BLTP3B: variants seen among roughly 807,000 people sequenced by gnomAD.
BLTP3B encodes the protein UHRF1 (ICBP90) binding protein 1-like.
At chr12:100,118,347 ACACTACTG>A in the BLTP3B span, among the ~76,000 whole-genome samples, 2 of 152,078 alleles carry the variant, frequency 1.3e-5, no homozygotes, top group African/African-American at 4.8e-5. Context: ...AGTCATAATC[ACACTACTG>A]CACTCCAGTC....
chr12:100,099,092 C>T, the BLTP3B span, among the ~76,000 whole-genome samples: 1 of 151,562 alleles, frequency 6.6e-6, no homozygotes, highest in South Asian at 2.1e-4. Context: ...TCCCGGGTTC[C>T]AGCAATTCTT....
chr12:100,077,155 A>G, the BLTP3B span, among the ~76,000 whole-genome samples: 1 of 152,242 alleles, frequency 6.6e-6, no homozygotes, highest in African/African-American at 2.4e-5. Flanking sequence ...CCATAAGATT[A>G]TAACACAGCT....
At chr12:100,084,600 C>T in the BLTP3B span, 1 of 1,614,026 alleles carries the variant, frequency 6.2e-7, no homozygotes, top group Non-Finnish European at 8.5e-7. Context: ...ACTCATTGGC[C>T]CATCCATTTT....
chr12:100,063,811 C>G, the BLTP3B span, among the ~76,000 whole-genome samples: 1 of 151,916 alleles, frequency 6.6e-6, no homozygotes, highest in Non-Finnish European at 1.5e-5. Context: ...TAGACATTAC[C>G]TCTGAGAGAG....
the BLTP3B span, among the ~76,000 whole-genome samples, chr12:100,063,884 A>T: frequency 6.6e-6 from 1 of 152,118 alleles, no homozygotes; most frequent in Non-Finnish European, 1.5e-5. Context: ...AAGGTTCTTT[A>T]ACACCTCCAA....
the BLTP3B span, among the ~76,000 whole-genome samples, chr12:100,076,519 A>G: frequency 6.6e-6 from 1 of 150,512 alleles, no homozygotes; most frequent in East Asian, 2.0e-4. Context: ...TCAGCCTCCC[A>G]AGTAGCTGGG....
At chr12:100,042,562 A>C in the BLTP3B span, among the ~76,000 whole-genome samples, 1 of 152,204 alleles carries the variant, frequency 6.6e-6, no homozygotes, top group African/African-American at 2.4e-5. Flanking sequence ...AATTCTTAAA[A>C]GAAAACATGA....
chr12:100,132,060 G>A, the BLTP3B span, among the ~76,000 whole-genome samples: 1 of 152,092 alleles, frequency 6.6e-6, no homozygotes, highest in Admixed American at 6.5e-5. Context: ...CCAAAGTGCT[G>A]GGATTACAGG....
the BLTP3B span, among the ~76,000 whole-genome samples, chr12:100,103,097 TG>T: frequency 2.0e-5 from 3 of 151,946 alleles, no homozygotes; most frequent in African/African-American, 7.3e-5. Flanking sequence ...TTACAGGTGT[TG>T]GGGGGTGGGG....
At chr12:100,037,215 G>C in the BLTP3B span, 5 of 957,882 alleles carry the variant, frequency 5.2e-6, no homozygotes, top group Non-Finnish European at 3.7e-6. Context: ...AAAAGCATTT[G>C]AATCTTTGTA....
At chr12:100,039,039 A>T in the BLTP3B span, among the ~76,000 whole-genome samples, 1 of 152,186 alleles carries the variant, frequency 6.6e-6, no homozygotes, top group Non-Finnish European at 1.5e-5. Flanking sequence ...CTACTGCTGA[A>T]TTCTATATCC....
chr12:100,072,478 A>G, the BLTP3B span, among the ~76,000 whole-genome samples: 1 of 152,116 alleles, frequency 6.6e-6, no homozygotes, highest in Non-Finnish European at 1.5e-5. Context: ...AGGCCAAGGC[A>G]GGAGTATGGC....
the BLTP3B span, among the ~76,000 whole-genome samples, chr12:100,054,545 T>C: frequency 6.6e-6 from 1 of 152,164 alleles, no homozygotes; most frequent in Non-Finnish European, 1.5e-5. Flanking sequence ...GAAATATATT[T>C]TGATCATAGG....
the BLTP3B span, among the ~76,000 whole-genome samples, chr12:100,073,508 T>A: frequency 1.3e-5 from 2 of 151,876 alleles, no homozygotes; most frequent in Admixed American, 6.6e-5. Flanking sequence ...CCGATATTAT[T>A]AGGTTGGTGC....
At chr12:100,122,737 C>T in the BLTP3B span, among the ~76,000 whole-genome samples, 1 of 152,298 alleles carries the variant, frequency 6.6e-6, no homozygotes, top group Admixed American at 6.5e-5. Context: ...ACACAAATCC[C>T]ACATGTCCCA....
the BLTP3B span, chr12:100,142,655 C>T: frequency 6.2e-7 from 1 of 1,605,318 alleles, no homozygotes. Context: ...GCTGGAGACG[C>T]CGCGGTCTCG....
the BLTP3B span, among the ~76,000 whole-genome samples, chr12:100,094,620 G>A: frequency 3.9e-5 from 6 of 152,216 alleles, no homozygotes; most frequent in Non-Finnish European, 7.3e-5. Flanking sequence ...ATTTTGGGAG[G>A]CCAAGGCGGG....
At chr12:100,062,965 A>G in the BLTP3B span, among the ~76,000 whole-genome samples, 1 of 151,558 alleles carries the variant, frequency 6.6e-6, no homozygotes, top group African/African-American at 2.4e-5. Flanking sequence ...CTCAAAAAAA[A>G]AGAAAAGAAT....
chr12:100,118,999 G>A, the BLTP3B span, among the ~76,000 whole-genome samples: 84 of 152,236 alleles, frequency 5.5e-4, 2 homozygotes, highest in South Asian at 0.017. Flanking sequence ...CTACTCGGGA[G>A]GCTGAGGCAG....
Sources: gnomAD v4.1 joint callset for allele counts (sites outside exome capture counted in the v4.1 genomes callset) on GRCh38, gnomAD v4.1.1 for gene constraint, MANE v1.5 for transcripts, NCBI Gene and HGNC (gene_info 2026-07-23, HGNC 2026-07-21) for gene names.